SLC14A2: variants seen among roughly 807,000 people sequenced by gnomAD.
SLC14A2 encodes the protein urea transporter 2.
Under a neutral mutation model 104.6 loss-of-function variants are expected in SLC14A2, and 91 were observed. The observed-to-expected ratio is 0.87, with a 90% confidence interval of 0.73 to 1.04. The LOEUF is 1.04. SLC14A2 is among the 50% of genes least tolerant of loss of function. SLC14A2 has a pLI of 0.00. For missense variants in SLC14A2, 1,189 were observed against 1,156.0 expected (o/e 1.03, Z -0.41); for synonymous variants, 476 against 466.4 (o/e 1.02, Z -0.27).
intron 1 of SLC14A2, among the ~76,000 whole-genome samples, chr18:45,331,234 C>A (rs2144260707): frequency 6.6e-6 from 1 of 152,294 alleles, no homozygotes; most frequent in South Asian, 2.1e-4. Flanking sequence ...TGAAGTAAAA[C>A]CTAAAGCCAA....
intron 1 of SLC14A2, among the ~76,000 whole-genome samples, chr18:45,287,802 C>G (rs1033432865): frequency 6.6e-6 from 1 of 152,196 alleles, no homozygotes; most frequent in African/African-American, 2.4e-5. Context: ...CAGATACCAC[C>G]GAGTCCTCTC....
chr18:45,256,058 G>T (rs979564826), intron 1 of SLC14A2, among the ~76,000 whole-genome samples: 3 of 152,180 alleles, frequency 2.0e-5, no homozygotes, highest in Non-Finnish European at 4.4e-5. Context: ...GACAAGCTGG[G>T]TTATGGGACT....
intron 1 of SLC14A2, among the ~76,000 whole-genome samples, chr18:45,342,860 T>C (rs1482379662): frequency 1.3e-5 from 2 of 152,210 alleles, no homozygotes; most frequent in African/African-American, 4.8e-5. Flanking sequence ...GGAAGAAATA[T>C]AGAACTTCCA....
intron 1 of SLC14A2, among the ~76,000 whole-genome samples, chr18:45,376,116 C>G (rs2085772184): frequency 6.6e-6 from 1 of 152,310 alleles, no homozygotes; most frequent in Non-Finnish European, 1.5e-5. Context: ...CTTTAAGGTA[C>G]AGGGCACATA....
At chr18:45,358,097 G>T (rs1261941798) in intron 1 of SLC14A2, among the ~76,000 whole-genome samples, 2 of 152,188 alleles carry the variant, frequency 1.3e-5, no homozygotes, top group Non-Finnish European at 2.9e-5. Flanking sequence ...TTGGTGAAGT[G>T]CCCAATGAGG....
intron 1 of SLC14A2, among the ~76,000 whole-genome samples, chr18:45,410,496 T>A (rs1389472301): frequency 6.6e-6 from 1 of 152,150 alleles, no homozygotes; most frequent in Non-Finnish European, 1.5e-5. Flanking sequence ...TCTTAAAATG[T>A]TTTATTTTTC....
At chr18:45,527,885 C>T (rs2043618944) in intron 2 of SLC14A2, 1 of 152,178 alleles carries the variant, frequency 6.6e-6, no homozygotes, top group African/African-American at 2.4e-5. Flanking sequence ...AAATCAACAG[C>T]TCTTTCCAAG....
chr18:45,664,053 CCA>C (rs2045974416), intron 11 of SLC14A2, 146 bp downstream of exon 11: 3 of 785,326 alleles, frequency 3.8e-6, no homozygotes, highest in Non-Finnish European at 5.8e-6. Flanking sequence ...CTGACCAAGG[CCA>C]CAGTTCCCCG....
chr18:45,379,793 C>T (rs1184794401), intron 1 of SLC14A2, among the ~76,000 whole-genome samples: 1 of 152,148 alleles, frequency 6.6e-6, no homozygotes, highest in Non-Finnish European at 1.5e-5. Flanking sequence ...TTGTTGTTAT[C>T]CCAGAACTTG....
rs565319369 is a variant in SLC14A2 at position 45,588,046 on chromosome 18, T to G, written c.-34-36585T>G. ...TGAAAATGCCGGATTGACCCTTTTT[T>G]TAATCCTTGAAAAGGGGAATGCTGA... On this transcript the variant is annotated intron_variant, in intron 2 of 20. Transcript: ENST00000586448. Among the ~76,000 whole-genome samples the G allele has an allele frequency of 1.7e-4, 26 of 152,258 alleles. No individual in the cohort carries two copies. The South Asian group carries it at 4.4e-3, about 26-fold the overall frequency.
chr18:45,365,733 A>G (rs749942781), intron 1 of SLC14A2, among the ~76,000 whole-genome samples: 3 of 152,298 alleles, frequency 2.0e-5, no homozygotes, highest in Non-Finnish European at 4.4e-5. Flanking sequence ...TTATGATCAC[A>G]GACTTTAGAG....
At chr18:45,306,235 A>AT (rs2085019974) in intron 1 of SLC14A2, among the ~76,000 whole-genome samples, 1 of 152,180 alleles carries the variant, frequency 6.6e-6, no homozygotes, top group Admixed American at 6.5e-5. Context: ...CACAGCTCAG[A>AT]TTTTCTGAAC....
intron 1 of SLC14A2, among the ~76,000 whole-genome samples, chr18:45,252,859 G>C (rs961376883): frequency 3.5e-4 from 50 of 142,958 alleles, no homozygotes; most frequent in African/African-American, 1.2e-3. Flanking sequence ...TAAAAAGCAT[G>C]ATTAGGCTGG....
intron 1 of SLC14A2, among the ~76,000 whole-genome samples, chr18:45,279,260 C>A (rs559304269): frequency 1.3e-5 from 2 of 152,256 alleles, no homozygotes; most frequent in South Asian, 4.1e-4. Flanking sequence ...ATAGGAAGAC[C>A]CTGAAATTTA....
chr18:45,495,170 T>C (rs1392338704), intron 2 of SLC14A2, among the ~76,000 whole-genome samples: 5 of 152,002 alleles, frequency 3.3e-5, no homozygotes, highest in African/African-American at 1.2e-4. Context: ...ATGAGTGAAT[T>C]TGGATGCAGG....
At chr18:45,471,070 AT>A (rs1221412764) in intron 1 of SLC14A2, among the ~76,000 whole-genome samples, 1 of 152,068 alleles carries the variant, frequency 6.6e-6, no homozygotes, top group African/African-American at 2.4e-5. Context: ...TTTTCTACTG[AT>A]TAGTTAAATT....
At chr18:45,271,746 T>A (rs542901968) in intron 1 of SLC14A2, among the ~76,000 whole-genome samples, 1 of 152,252 alleles carries the variant, frequency 6.6e-6, no homozygotes, top group Non-Finnish European at 1.5e-5. Flanking sequence ...ACAGATTCAA[T>A]GCAATCCCTA....
chr18:45,675,709 A>ATATATATATATTTT, intron 18 of SLC14A2, among the ~76,000 whole-genome samples: 1 of 78,386 alleles, frequency 1.3e-5, no homozygotes, highest in African/African-American at 4.9e-5. Context: ...ATATATATAT[A>ATATATATATATTTT]TTTTTTTTTT....
intron 7 of SLC14A2, among the ~76,000 whole-genome samples, chr18:45,640,660 A>G (rs897987113): frequency 3.9e-5 from 6 of 152,134 alleles, no homozygotes; most frequent in Non-Finnish European, 7.4e-5. Context: ...CAAAACTTTA[A>G]AAAGTATTTT....
Sources: gnomAD v4.1 joint callset for allele counts (sites outside exome capture counted in the v4.1 genomes callset) on GRCh38, gnomAD v4.1.1 for gene constraint, MANE v1.5 for transcripts, NCBI Gene and HGNC (gene_info 2026-07-23, HGNC 2026-07-21) for gene names.